Variants in CNTNAP2 observed in about 807,000 individuals in gnomAD.
CNTNAP2 encodes the protein contactin associated protein 2, also known as contactin-associated protein-like 2.
A neutral mutation model predicts 155.2 loss-of-function variants in CNTNAP2; 98 were observed. That is an observed-to-expected ratio of 0.63 (90% CI 0.54 to 0.75). The LOEUF (loss-of-function observed/expected upper bound fraction) is 0.75. Ranked by LOEUF, CNTNAP2 falls within the 30% of genes least tolerant of loss-of-function variation. The probability of loss-of-function intolerance (pLI) is 0.00; values close to 1 mark genes in which losing one functional copy is unlikely to be tolerated. For missense variants in CNTNAP2, 1,727 were observed against 1,688.1 expected, an observed-to-expected ratio of 1.02 and a Z score of -0.40; for synonymous variants, 651 against 631.2, an observed-to-expected ratio of 1.03 and a Z score of -0.47.
chr7:147,432,729 CA>C (rs1299706109), intron 10 of CNTNAP2, among the ~76,000 whole-genome samples: 2 of 152,108 alleles, frequency 1.3e-5, no homozygotes, highest in African/African-American at 4.8e-5. Flanking sequence ...CAGTGTCACC[CA>C]GTGTTCTTTC....
At chr7:147,325,172 C>G (rs141401367) in intron 9 of CNTNAP2, among the ~76,000 whole-genome samples, 2 of 151,918 alleles carry the variant, frequency 1.3e-5, no homozygotes, top group Non-Finnish European at 2.9e-5. Context: ...TGGTGGCACA[C>G]GCCTGCAATC....
At chr7:146,394,916 G>T (rs181515385) in intron 1 of CNTNAP2, among the ~76,000 whole-genome samples, 106 of 152,108 alleles carry the variant, frequency 7.0e-4, no homozygotes, top group African/African-American at 2.2e-3. Flanking sequence ...TGCATCTCCA[G>T]TGTCTATTTT....
intron 13 of CNTNAP2, among the ~76,000 whole-genome samples, chr7:147,730,898 T>C (rs1214008538): frequency 6.6e-6 from 1 of 152,126 alleles, no homozygotes; most frequent in Non-Finnish European, 1.5e-5. Flanking sequence ...GCTTTATTGC[T>C]GATATGGAGA....
At chr7:148,405,275 CA>C (rs1799672316) in intron 22 of CNTNAP2, among the ~76,000 whole-genome samples, 6 of 152,096 alleles carry the variant, frequency 3.9e-5, no homozygotes, top group Admixed American at 3.9e-4. Context: ...GATTTACACC[CA>C]AAACAATCGT....
At chr7:148,244,544 G>T (rs1374882516) in intron 20 of CNTNAP2, among the ~76,000 whole-genome samples, 39 of 147,136 alleles carry the variant, frequency 2.7e-4, no homozygotes, top group African/African-American at 9.2e-4. Context: ...CTTTTTGGGG[G>T]TTTTGTGTGT....
At chr7:147,009,817 G>C (rs1488328235) in intron 3 of CNTNAP2, among the ~76,000 whole-genome samples, 1 of 151,924 alleles carries the variant, frequency 6.6e-6, no homozygotes. Context: ...CTGTCACAAT[G>C]TTTCAACAAA....
At chr7:146,246,412 T>G (rs189951834) in intron 1 of CNTNAP2, among the ~76,000 whole-genome samples, 23 of 150,320 alleles carry the variant, frequency 1.5e-4, no homozygotes, top group African/African-American at 5.3e-4. Flanking sequence ...AAAAGAGTAT[T>G]GTCTAAGTTG....
At chr7:147,361,938 GC>G (rs1305422703) in intron 9 of CNTNAP2, among the ~76,000 whole-genome samples, 3 of 152,164 alleles carry the variant, frequency 2.0e-5, no homozygotes, top group Admixed American at 6.5e-5. Flanking sequence ...AAGAGCTGGA[GC>G]TGGAATCACC....
intron 12 of CNTNAP2, among the ~76,000 whole-genome samples, chr7:147,605,901 CTCTT>C (rs969435020): frequency 6.6e-6 from 1 of 151,658 alleles, no homozygotes; most frequent in Non-Finnish European, 1.5e-5. Context: ...CTCTCTCTCT[CTCTT>C]TCTCTCTCTC....
At chr7:147,088,585 G>A (rs1410538237) in intron 4 of CNTNAP2, among the ~76,000 whole-genome samples, 1 of 152,128 alleles carries the variant, frequency 6.6e-6, no homozygotes, top group Non-Finnish European at 1.5e-5. Context: ...ATATTATGAA[G>A]CAGTATGTAA....
intron 3 of CNTNAP2, among the ~76,000 whole-genome samples, chr7:146,922,881 C>T (rs116216106): frequency 0.018 from 2,705 of 152,022 alleles, 66 homozygotes; most frequent in African/African-American, 0.06. Context: ...TTTTACTCTA[C>T]GGGAAATGGG....
At chr7:146,333,509 C>T (rs1363126289) in intron 1 of CNTNAP2, among the ~76,000 whole-genome samples, 1 of 152,148 alleles carries the variant, frequency 6.6e-6, no homozygotes, top group East Asian at 1.9e-4. Context: ...TAGACTATAA[C>T]ACACATTTAA....
At chr7:147,341,038 T>G (rs888848768) in intron 9 of CNTNAP2, among the ~76,000 whole-genome samples, 8 of 151,376 alleles carry the variant, frequency 5.3e-5, no homozygotes, top group Non-Finnish European at 8.8e-5. Context: ...AGACTAGTTA[T>G]AGACATGCCT....
At position 148,185,651 on chromosome 7, in the gene CNTNAP2, G is replaced by A. The variant is rs565715632; in HGVS notation, c.3010+13173G>A. 5.3e-5 allele frequency among the ~76,000 whole-genome samples: 8 copies of A among 152,282 alleles called. No individual in the cohort carries two copies. In the East Asian group the frequency reaches 1.5e-3, roughly 29 times the overall value. On this transcript the variant is annotated intron_variant, in intron 18 of 23. Transcript: ENST00000361727. ...TGCTAGTCACTTTTTAGTTTTCAGA[G>A]ATGAATAAAGCTATAAGTAAAATGC...
intron 2 of CNTNAP2, among the ~76,000 whole-genome samples, chr7:146,787,275 T>C (rs1489352290): frequency 1.3e-5 from 2 of 152,156 alleles, no homozygotes; most frequent in Admixed American, 6.5e-5. Context: ...GTGTGCGGAA[T>C]TGGTGGGTTT....
intron 1 of CNTNAP2, among the ~76,000 whole-genome samples, chr7:146,300,025 C>T (rs185039430): frequency 6.6e-5 from 10 of 152,134 alleles, no homozygotes; most frequent in East Asian, 3.9e-4. Context: ...TCATCAATTG[C>T]GTTATGCAAG....
intron 13 of CNTNAP2, among the ~76,000 whole-genome samples, chr7:147,732,757 TG>T (rs1796766072): frequency 6.6e-6 from 1 of 152,222 alleles, no homozygotes; most frequent in Non-Finnish European, 1.5e-5. Flanking sequence ...TATCTCATTG[TG>T]GTTTTGATTT....
At chr7:148,054,013 C>CG (rs1377850019) in intron 15 of CNTNAP2, among the ~76,000 whole-genome samples, 4 of 149,490 alleles carry the variant, frequency 2.7e-5, no homozygotes, top group Non-Finnish European at 4.4e-5. Flanking sequence ...AGCTCTGTCG[C>CG]CCAGGCTGGA....
At position 148,324,752 on chromosome 7, in the gene CNTNAP2, G is replaced by A. The variant is rs144317244; in HGVS notation, c.3475+57626G>A. Among the ~76,000 whole-genome samples the A allele has an allele frequency of 2.7e-3, 357 of 132,862 alleles. 1 individual carries two copies. Among genetic ancestry groups the A allele is most frequent in the African/African-American group, 9.6e-3 (334 of 34,650 alleles). The allele number at this position is 132,862 out of a possible 152,430, so 87.2% of individuals were successfully genotyped here. On this transcript the variant is annotated intron_variant, in intron 21 of 23. Coordinates refer to ENST00000361727, the MANE Select transcript of CNTNAP2 (RefSeq NM_014141.6). Reference sequence around the variant, plus strand: ...TGTGGTTGCAATGAGCCAAGATCGTGCCACTGCACTCCAGCTTGGGTGACA... The same window carrying A: ...TGTGGTTGCAATGAGCCAAGATCGTACCACTGCACTCCAGCTTGGGTGACA...
Sources: allele counts gnomAD v4.1 joint callset (sites outside exome capture counted in the v4.1 genomes callset), GRCh38; gene constraint gnomAD v4.1.1; transcripts MANE v1.5; gene names NCBI Gene and HGNC (gene_info 2026-07-23, HGNC 2026-07-21).